The following EPB41L3 variants were observed in gnomAD, a reference collection of about 807,000 sequenced individuals.
EPB41L3 encodes the protein band 4.1-like protein 3.
EPB41L3 carries 57 observed loss-of-function variants against 127.1 expected under a neutral mutation model. That is an observed-to-expected ratio of 0.45 (90% CI 0.36 to 0.56). The LOEUF is 0.56. Among genes scored for constraint, EPB41L3 ranks in the 20% least tolerant of loss-of-function variants. EPB41L3 has a pLI of 0.00. For synonymous variants in EPB41L3, 572 were observed against 549.5 expected, an observed-to-expected ratio of 1.04 and a Z score of -0.57; for missense variants, 1,273 against 1,372.2, an observed-to-expected ratio of 0.93 and a Z score of 1.14.
At chr18:5,406,167 C>T (rs917156268) in intron 16 of EPB41L3, among the ~76,000 whole-genome samples, 1 of 152,150 alleles carries the variant, frequency 6.6e-6, no homozygotes, top group South Asian at 2.1e-4. Context: ...AGGAGAATCA[C>T]TTGAACCTGG....
upstream of EPB41L3, among the ~76,000 whole-genome samples, chr18:5,546,548 C>A (rs560157479): frequency 1.3e-5 from 2 of 152,196 alleles, no homozygotes; most frequent in Admixed American, 6.5e-5. Context: ...CAACAACAAA[C>A]AAACAAACAA....
chr18:5,629,791 C>T (rs1269320420), upstream of EPB41L3, among the ~76,000 whole-genome samples: 1 of 152,132 alleles, frequency 6.6e-6, no homozygotes, highest in Admixed American at 6.5e-5. Context: ...ACTAGGCTGC[C>T]GGGACCGGGG....
At chr18:5,531,845 A>G (rs577740573) in intron 1 of EPB41L3, among the ~76,000 whole-genome samples, 2 of 152,240 alleles carry the variant, frequency 1.3e-5, no homozygotes, top group Non-Finnish European at 2.9e-5. Context: ...CAGCTTCATT[A>G]GCTTGAGGTG....
intron 3 of EPB41L3, among the ~76,000 whole-genome samples, chr18:5,601,964 G>T (rs1419758296): frequency 6.6e-6 from 1 of 152,162 alleles, no homozygotes; most frequent in Admixed American, 6.5e-5. Flanking sequence ...GAAAAGAAAT[G>T]AAGCTAGTAT....
intron 3 of EPB41L3, among the ~76,000 whole-genome samples, chr18:5,459,110 C>T (rs1019735088): frequency 2.0e-5 from 3 of 152,100 alleles, no homozygotes; most frequent in Non-Finnish European, 2.9e-5. Flanking sequence ...GGAGAAGATG[C>T]CCATCATCTC....
intron 3 of EPB41L3, among the ~76,000 whole-genome samples, chr18:5,592,025 A>G (rs2094490618): frequency 6.6e-6 from 1 of 152,160 alleles, no homozygotes; most frequent in South Asian, 2.1e-4. Context: ...CCATGGTGAA[A>G]TTTCTTCAGC....
chr18:5,507,092 C>T (rs917199293), intron 1 of EPB41L3, among the ~76,000 whole-genome samples: 2 of 152,090 alleles, frequency 1.3e-5, no homozygotes, highest in African/African-American at 4.8e-5. Flanking sequence ...CAGAAAAGCA[C>T]TTTGGAGAAT....
Position 5,488,879 on chromosome 18 carries a change from G to T in EPB41L3, c.183+122C>A. 3 of 1,073,812 alleles carry T rather than the reference G, an allele frequency of 2.8e-6. No homozygotes were observed. In the South Asian group the frequency reaches 5.4e-5, roughly 19 times the overall value. The allele number at this position is 1,073,812 out of a possible 1,614,324, so 66.5% of individuals were successfully genotyped here. ...TAGCATACATTTTCATCTGCCTGGG[G>T]CTAGAAGGGGAACAGCAGATGACCC... On this transcript the variant is annotated intron_variant, in intron 2 of 22. Transcript: ENST00000341928.
chr18:5,500,485 T>A (rs2148500100), intron 1 of EPB41L3, among the ~76,000 whole-genome samples: 1 of 152,190 alleles, frequency 6.6e-6, no homozygotes, highest in African/African-American at 2.4e-5. Flanking sequence ...ACACTAATTT[T>A]AAAAATAGGG....
intron 3 of EPB41L3, among the ~76,000 whole-genome samples, chr18:5,447,710 C>T (rs1346322066): frequency 6.6e-6 from 1 of 152,090 alleles, no homozygotes; most frequent in Non-Finnish European, 1.5e-5. Flanking sequence ...CACTTTCTGG[C>T]TGCTGTGTTC....
chr18:5,558,008 T>C (rs73387913), intron 3 of EPB41L3, among the ~76,000 whole-genome samples: 8,674 of 152,308 alleles, frequency 0.057, 505 homozygotes, highest in African/African-American at 0.15. Context: ...ATCATCTTCA[T>C]TCACAATAGC....
intron 1 of EPB41L3, chr18:5,489,487 G>A: frequency 2.9e-6 from 1 of 342,202 alleles, no homozygotes; most frequent in Non-Finnish European, 5.2e-6. Context: ...TGACATTAAA[G>A]AAATGTCATA....
intron 3 of EPB41L3, among the ~76,000 whole-genome samples, chr18:5,468,081 G>A (rs1156273110): frequency 6.6e-6 from 1 of 152,200 alleles, no homozygotes; most frequent in Non-Finnish European, 1.5e-5. Flanking sequence ...CATGACCCAG[G>A]CAGGTGTACA....
chr18:5,574,855 G>A (rs2094321953), intron 3 of EPB41L3, among the ~76,000 whole-genome samples: 1 of 152,106 alleles, frequency 6.6e-6, no homozygotes, highest in Non-Finnish European at 1.5e-5. Flanking sequence ...TCATTTCCCT[G>A]TAATAGAACT....
At chr18:5,581,593 G>T (rs1049701582) in intron 3 of EPB41L3, among the ~76,000 whole-genome samples, 1 of 152,092 alleles carries the variant, frequency 6.6e-6, no homozygotes, top group African/African-American at 2.4e-5. Context: ...TTACTCCAAG[G>T]GGAAAAGGTG....
chr18:5,396,196 C>G lies in EPB41L3; in HGVS notation c.2973+5G>C, dbSNP rs2073425350. 6.2e-7 allele frequency: 1 copy of G among 1,613,926 alleles called. No individual in the cohort carries two copies. Among genetic ancestry groups the G allele is most frequent in the Non-Finnish European group, 8.5e-7 (1 of 1,179,932 alleles). ...CAGGGCTCTGGTCTTCACAGAATAT[C>G]TCACCTGTGATGATTCATATGTGAT... On this transcript the variant is annotated splice_donor_5th_base_variant and intron_variant, in intron 19 of 22. Coordinates refer to ENST00000341928, the MANE Select transcript of EPB41L3 (RefSeq NM_012307.5).
intron 3 of EPB41L3, among the ~76,000 whole-genome samples, chr18:5,560,937 GTAAT>G (rs1425109721): frequency 1.4e-5 from 2 of 145,650 alleles, no homozygotes; most frequent in African/African-American, 5.2e-5. Flanking sequence ...ATTCATAGTT[GTAAT>G]TATTTATTTA....
intron 4 of EPB41L3, 101 bp from the exon 5 acceptor site, chr18:5,443,981 G>A: frequency 1.0e-6 from 1 of 1,004,830 alleles, no homozygotes; most frequent in Non-Finnish European, 1.5e-6. Context: ...CGGAGTTAGT[G>A]GTCGTGGGAA....
intron 1 of EPB41L3, among the ~76,000 whole-genome samples, chr18:5,617,490 T>C (rs2094811150): frequency 6.6e-6 from 1 of 152,064 alleles, no homozygotes; most frequent in Admixed American, 6.6e-5. Context: ...GGCTAATTTT[T>C]TGTATTTTTA....
Sources: allele counts gnomAD v4.1 joint callset (sites outside exome capture counted in the v4.1 genomes callset), GRCh38; gene constraint gnomAD v4.1.1; transcripts MANE v1.5; gene names NCBI Gene and HGNC (gene_info 2026-07-23, HGNC 2026-07-21).